The following APP variants were observed in gnomAD, a reference collection of about 807,000 sequenced individuals.
APP encodes amyloid-beta precursor protein.
A neutral mutation model predicts 101.4 loss-of-function variants in APP; 31 were observed. The ratio of observed to expected loss-of-function variants is 0.31; its 90% CI spans 0.23 to 0.41. The LOEUF (loss-of-function observed/expected upper bound fraction) is 0.41. APP is among the 10% of genes least tolerant of loss of function. The pLI, the probability that APP is intolerant of heterozygous loss-of-function variation, is 1.00. For synonymous variants in APP, 366 were observed against 364.4 expected (o/e 1.00, Z -0.05); for missense variants, 839 against 1,003.7 (o/e 0.84, Z 2.22).
At chr21:25,949,718 T>C (rs746141323) in intron 13 of APP, among the ~76,000 whole-genome samples, 17 of 152,132 alleles carry the variant, frequency 1.1e-4, no homozygotes, top group Non-Finnish European at 2.1e-4. Context: ...TTAGTAGAGA[T>C]ATAAACAAAT....
chr21:26,065,318 C>A (rs1439740043), intron 3 of APP, among the ~76,000 whole-genome samples: 1 of 152,046 alleles, frequency 6.6e-6, no homozygotes, highest in Non-Finnish European at 1.5e-5. Flanking sequence ...AAAAAAAAGT[C>A]TATAAAATTA....
chr21:25,991,880 T>A (rs780363230), intron 8 of APP, among the ~76,000 whole-genome samples: 2 of 152,194 alleles, frequency 1.3e-5, no homozygotes, highest in Non-Finnish European at 2.9e-5. Flanking sequence ...CCACTTACCC[T>A]CTTTTGGCAA....
At chr21:26,067,969 A>G (rs890877579) in intron 3 of APP, among the ~76,000 whole-genome samples, 7 of 152,134 alleles carry the variant, frequency 4.6e-5, no homozygotes, top group Non-Finnish European at 7.4e-5. Flanking sequence ...AGACGCAATT[A>G]ATTAAGGTTA....
intron 2 of APP, among the ~76,000 whole-genome samples, chr21:26,104,857 T>C (rs1013055262): frequency 2.0e-5 from 3 of 152,000 alleles, no homozygotes; most frequent in Admixed American, 1.3e-4. Context: ...GTGACGGTGA[T>C]GAGTTCTGTT....
At chr21:25,955,266 G>T (rs367489) in intron 12 of APP, among the ~76,000 whole-genome samples, 134,838 of 152,124 alleles carry the variant, frequency 0.89, 60,148 homozygotes, top group Non-Finnish European at 0.93. Flanking sequence ...AGGCTCACAT[G>T]AAATCTCAAC....
chr21:26,164,231 C>T (rs981024536), intron 1 of APP, among the ~76,000 whole-genome samples: 2 of 152,074 alleles, frequency 1.3e-5, no homozygotes, highest in African/African-American at 4.8e-5. Flanking sequence ...GGCGACAGGG[C>T]GAGACTCCGT....
intron 2 of APP, among the ~76,000 whole-genome samples, chr21:26,106,983 T>C (rs936493911): frequency 1.3e-5 from 2 of 152,190 alleles, no homozygotes; most frequent in Non-Finnish European, 2.9e-5. Context: ...AAACAAGATA[T>C]GAGCAAAAGA....
intron 13 of APP, among the ~76,000 whole-genome samples, chr21:25,923,471 A>T (rs2039723428): frequency 9.0e-6 from 1 of 110,724 alleles, no homozygotes; most frequent in South Asian, 3.6e-4. Flanking sequence ...AAATTTTCGC[A>T]ACCTACTCAT....
chr21:26,099,875 G>A (rs2062020553), intron 2 of APP, among the ~76,000 whole-genome samples: 1 of 152,196 alleles, frequency 6.6e-6, no homozygotes, highest in Non-Finnish European at 1.5e-5. Flanking sequence ...AAGCAAAGGC[G>A]GTAAAATGCT....
At chr21:26,047,017 A>G (rs2045638529) in intron 5 of APP, among the ~76,000 whole-genome samples, 1 of 152,320 alleles carries the variant, frequency 6.6e-6, no homozygotes, top group South Asian at 2.1e-4. Context: ...AGACTGCATA[A>G]ATAGGTATTT....
chr21:26,086,123 G>T (rs1182744817), intron 3 of APP, among the ~76,000 whole-genome samples: 2 of 152,182 alleles, frequency 1.3e-5, no homozygotes, highest in Non-Finnish European at 2.9e-5. Context: ...CATTCAAATG[G>T]AAAGGGTTGA....
At chr21:25,899,302 T>C (rs961826319) in intron 15 of APP, among the ~76,000 whole-genome samples, 1 of 152,154 alleles carries the variant, frequency 6.6e-6, no homozygotes, top group Non-Finnish European at 1.5e-5. Context: ...GATGTCATAG[T>C]TTAAAATATA....
chr21:25,911,135 C>T (rs1180822074), intron 14 of APP, among the ~76,000 whole-genome samples: 1 of 152,232 alleles, frequency 6.6e-6, no homozygotes, highest in Non-Finnish European at 1.5e-5. Context: ...AACTTAGTCT[C>T]CTGGTGCCTC....
At chr21:26,077,062 CAAAA>C (rs35080722) in intron 3 of APP, among the ~76,000 whole-genome samples, 12 of 110,108 alleles carry the variant, frequency 1.1e-4, no homozygotes, top group Admixed American at 3.5e-4. Context: ...GACTCTGTCT[CAAAA>C]AAAAAAAAAA....
intron 3 of APP, among the ~76,000 whole-genome samples, chr21:26,070,365 T>C (rs538381582): frequency 6.6e-6 from 1 of 152,308 alleles, no homozygotes; most frequent in East Asian, 1.9e-4. Flanking sequence ...GCTGAAATAA[T>C]TGAATTTCTG....
At chr21:25,978,668 C>CCTAG (rs1230196909) in intron 9 of APP, among the ~76,000 whole-genome samples, 1 of 152,108 alleles carries the variant, frequency 6.6e-6, no homozygotes, top group Non-Finnish European at 1.5e-5. Context: ...AAAATAAAAA[C>CCTAG]CTAGGCCAGG....
At chr21:26,152,284 C>CAAAAAAAAAAAAAAAAAAAAAAAA (rs1161739630) in intron 1 of APP, among the ~76,000 whole-genome samples, 1 of 36,180 alleles carries the variant, frequency 2.8e-5, no homozygotes, top group Non-Finnish European at 4.5e-5. Context: ...GACTCCATCT[C>CAAAAAAAAAAAAAAAAAAAAAAAA]AAAAAAAAAA....
At chr21:26,097,835 C>T (rs1267005520) in intron 2 of APP, among the ~76,000 whole-genome samples, 1 of 152,134 alleles carries the variant, frequency 6.6e-6, no homozygotes, top group East Asian at 1.9e-4. Context: ...AATCCCAGCA[C>T]TTTGGGAGGC....
chr21:26,159,712 A>T (rs746387360), intron 1 of APP, among the ~76,000 whole-genome samples: 1 of 152,248 alleles, frequency 6.6e-6, no homozygotes, highest in African/African-American at 2.4e-5. Flanking sequence ...ACAACAAGAC[A>T]CTAATATTTT....
Sources: gnomAD v4.1 joint callset for allele counts (sites outside exome capture counted in the v4.1 genomes callset) on GRCh38, gnomAD v4.1.1 for gene constraint, MANE v1.5 for transcripts, NCBI Gene and HGNC (gene_info 2026-07-23, HGNC 2026-07-21) for gene names.